Variants in RGS10 observed in about 807,000 individuals in gnomAD.
RGS10 encodes regulator of G protein signaling 10.
RGS10 carries 11 observed loss-of-function variants against 23.5 expected under a neutral mutation model. That is an observed-to-expected ratio of 0.47 (90% CI 0.29 to 0.77). The LOEUF is 0.77. RGS10 is among the 30% of genes least tolerant of loss of function. The probability of loss-of-function intolerance (pLI) is 0.08; values close to 1 mark genes in which losing one functional copy is unlikely to be tolerated. For synonymous variants in RGS10, 77 were observed against 83.2 expected (o/e 0.92, Z 0.41); for missense variants, 180 against 226.3 (o/e 0.80, Z 1.31).
chr10:119,501,549 C>T (rs1036536408), intron 4 of RGS10, among the ~76,000 whole-genome samples: 1 of 151,956 alleles, frequency 6.6e-6, no homozygotes, highest in African/African-American at 2.4e-5. Context: ...ATGGTGAAAC[C>T]CCGTCTCTAC....
intron 1 of RGS10, chr10:119,536,587 A>G (rs1791433011): frequency 2.2e-6 from 3 of 1,353,958 alleles, no homozygotes; most frequent in African/African-American, 1.5e-5. Flanking sequence ...GGGTCCGAAG[A>G]AAAAACAAGC....
chr10:119,500,366 T>C (rs756280), intron 4 of RGS10, 107 bp from the exon 5 acceptor site: 922,863 of 976,476 alleles, frequency 0.95, 437,064 homozygotes, highest in Middle Eastern at 0.97. Context: ...AATACTAACA[T>C]GTGCAAAGAA....
rs1220440240 is a variant in RGS10 at position 119,515,800 on chromosome 10, A to T, written c.256-148T>A. The T allele has an allele frequency of 8.8e-6, 8 of 907,168 alleles. No individual in the cohort carries two copies. The East Asian group carries it at 2.1e-4, about 24-fold the overall frequency. The allele number at this position is 907,168 out of a possible 1,614,324, so 56.2% of individuals were successfully genotyped here. A position where few individuals can be genotyped will look rare whatever the true frequency, so the allele number is the denominator to read the frequency against. On this transcript the variant is annotated intron_variant, in intron 3 of 4. Coordinates refer to ENST00000369103, the MANE Select transcript of RGS10 (RefSeq NM_001005339.2). ...CCCAGGGGCTCTCAGGCCACTCCAG[A>T]GAGAATTTCTATATGGGAGAGCCTG... is the stretch of plus-strand genomic sequence containing the variant.
At chr10:119,540,040 G>A (rs928518811) in intron 1 of RGS10, among the ~76,000 whole-genome samples, 1 of 151,702 alleles carries the variant, frequency 6.6e-6, no homozygotes, top group African/African-American at 2.4e-5. Flanking sequence ...AGGCCCAAAT[G>A]ACCCCTTTCT....
chr10:119,527,316 T>C lies in RGS10; in HGVS notation c.158A>G (p.Lys53Arg). 6.2e-7 allele frequency: 1 copy of C among 1,613,266 alleles called. No homozygotes were observed. The highest frequency in any genetic ancestry group is 1.1e-5 in the South Asian group (1 of 91,046). Reference sequence around the variant, plus strand: ...ATGAAAAAGACAAACCCTAAATCTTTTCACGCCTTCTGGGTCTTCCAGCAG... The same window carrying C: ...ATGAAAAAGACAAACCCTAAATCTTCTCACGCCTTCTGGGTCTTCCAGCAG... ...ENLLEDPEGVKRFREFLKKEF... is the reference protein window; with the variant it reads ...ENLLEDPEGVRRFREFLKKEF... Residue 53 changes from lysine (K) to arginine (R), a missense_variant, in exon 2 of 5, where the codon AAA (lysine) becomes AGA (arginine). Lys to Arg is a conservative substitution (Grantham distance 26, BLOSUM62 2). Coordinates refer to ENST00000369103, the MANE Select transcript of RGS10 (RefSeq NM_001005339.2). The surrounding 1 kb of genome is among the most constrained non-coding windows in gnomAD (Gnocchi z 4.2).
intron 1 of RGS10, among the ~76,000 whole-genome samples, chr10:119,531,507 T>C (rs759937111): frequency 2.0e-4 from 31 of 152,194 alleles, no homozygotes; most frequent in African/African-American, 7.0e-4. Flanking sequence ...TGTTAGACAA[T>C]TGCCAACCCC....
intron 4 of RGS10, among the ~76,000 whole-genome samples, chr10:119,513,517 A>C (rs1000239533): frequency 5.3e-5 from 8 of 151,884 alleles, no homozygotes; most frequent in Non-Finnish European, 7.4e-5. Flanking sequence ...AAAGAAAAAA[A>C]AAACAATCAG....
chr10:119,528,161 G>A (rs1488865121), intron 1 of RGS10, among the ~76,000 whole-genome samples: 1 of 151,984 alleles, frequency 6.6e-6, no homozygotes, highest in East Asian at 1.9e-4. Context: ...CTCCCAAGTA[G>A]CTGAGATTAT....
chr10:119,526,921 C>G (rs533515812), intron 2 of RGS10, among the ~76,000 whole-genome samples: 1 of 152,246 alleles, frequency 6.6e-6, no homozygotes, highest in Non-Finnish European at 1.5e-5. Context: ...TTGCCAGCCT[C>G]TCTTACTCTG....
Position 119,527,339 on chromosome 10 carries a change from C to G in RGS10, c.135G>C (p.Leu45=). ...TTTTCACGCCTTCTGGGTCTTCCAG[C>G]AGATTCTCCAGGGATGCCGCCCATT... ...TAKWAASLEN[L]LEDPEGVKRF... Residue 45 remains leucine, a synonymous_variant, in exon 2 of 5, where the codon CTG becomes CTC. Transcript: ENST00000369103. This position sits in a 1 kb window ranked among gnomAD's most constrained non-coding sequence, Gnocchi z 4.2. The G allele has an allele frequency of 6.2e-7, 1 of 1,614,160 alleles. No homozygotes were observed. Among genetic ancestry groups the G allele is most frequent in the Non-Finnish European group, 8.5e-7 (1 of 1,179,984 alleles).
In RGS10 at chr10:119,527,396, G is replaced by A; in HGVS notation, c.78C>T (p.Ser26=). 6.2e-7 allele frequency: 1 copy of A among 1,614,188 alleles called. No homozygotes were observed. The highest frequency in any genetic ancestry group is 8.5e-7 in the Non-Finnish European group (1 of 1,179,996). ...SDIHDSDGSS[S]SSHQSLKSTA... ...TGCTCTTGAGGCTCTGGTGGCTGCT[G>A]CTGGAACTGCCATCGCTGTCGTGGA... Residue 26 remains serine, a synonymous_variant, in exon 2 of 5, where the codon AGC becomes AGT. Transcript: ENST00000369103. The surrounding 1 kb of genome is among the most constrained non-coding windows in gnomAD (Gnocchi z 4.2).
intron 1 of RGS10, among the ~76,000 whole-genome samples, chr10:119,530,285 T>C (rs1489896927): frequency 6.6e-6 from 1 of 152,188 alleles, no homozygotes; most frequent in Non-Finnish European, 1.5e-5. Flanking sequence ...TCTGATGTTC[T>C]ATGGGGGGTC....
chr10:119,505,882 T>C (rs1455693985), intron 4 of RGS10, among the ~76,000 whole-genome samples: 1 of 152,206 alleles, frequency 6.6e-6, no homozygotes. Flanking sequence ...CCTCTGCCAT[T>C]TTATTTTAAT....
At chr10:119,515,765 C>A in intron 3 of RGS10, 113 bp from the exon 4 acceptor site, 2 of 1,271,024 alleles carry the variant, frequency 1.6e-6, no homozygotes, top group Non-Finnish European at 1.1e-6. Context: ...GAGAAAGGCA[C>A]CCCCCACAGC....
In RGS10 at chr10:119,517,795, G is replaced by A. The variant is rs944728836; in HGVS notation, c.256-2143C>T. On this transcript the variant is annotated intron_variant, in intron 3 of 4. Coordinates refer to ENST00000369103, the MANE Select transcript of RGS10 (RefSeq NM_001005339.2). The surrounding 1 kb of genome is among the most constrained non-coding windows in gnomAD (Gnocchi z 5.0). ...CTTGAGTCTTTGAGGTGGGGCAGAAGAGGCCGGGGGAGAGGAAGTAGGTTC... is the reference window on the plus strand; with the variant it reads ...CTTGAGTCTTTGAGGTGGGGCAGAAAAGGCCGGGGGAGAGGAAGTAGGTTC... Among the ~76,000 whole-genome samples the A allele has an allele frequency of 4.6e-5, 7 of 152,254 alleles. No individual in the cohort carries two copies. Among genetic ancestry groups the A allele is most frequent in the African/African-American group, 1.7e-4 (7 of 41,466 alleles).
intron 3 of RGS10, among the ~76,000 whole-genome samples, chr10:119,522,445 G>A (rs914238788): frequency 2.0e-5 from 3 of 152,286 alleles, no homozygotes; most frequent in East Asian, 1.9e-4. Flanking sequence ...CTGGCCGGGC[G>A]CGGTGGCTCA....
chr10:119,510,355 G>A (rs1377243253), intron 4 of RGS10, among the ~76,000 whole-genome samples: 2 of 152,058 alleles, frequency 1.3e-5, no homozygotes, highest in Non-Finnish European at 2.9e-5. Flanking sequence ...CCTGCCTCGG[G>A]GCCTTTGCGC....
rs946896760 is a variant in RGS10, at chr10:119,517,414, G to A, written c.256-1762C>T. ...TGGCTATCTAAGGGACAGGTCTGGG[G>A]GCCATCCTCGAGACCCAAGGGGGTG... On this transcript the variant is annotated intron_variant, in intron 3 of 4. Transcript: ENST00000369103. The surrounding 1 kb of genome is among the most constrained non-coding windows in gnomAD (Gnocchi z 5.0). Among the ~76,000 whole-genome samples the A allele has an allele frequency of 7.9e-5, 12 of 152,178 alleles. No homozygotes were observed. The highest frequency in any genetic ancestry group is 2.9e-4 in the African/African-American group (12 of 41,434).
rs539306319 is a variant in RGS10 at position 119,524,103 on chromosome 10, C to T, written c.255+1929G>A. Among the ~76,000 whole-genome samples the T allele has an allele frequency of 5.3e-5, 8 of 152,330 alleles. No homozygotes were observed. The highest frequency in any genetic ancestry group is 1.7e-4 in the African/African-American group (7 of 41,576). ...CCCCTGGATCCCTCCCCGTTGCCCA[C>T]GCCTTGCTCCCACGACACATGTGCT... On this transcript the variant is annotated intron_variant, in intron 3 of 4. Coordinates refer to ENST00000369103, the MANE Select transcript of RGS10 (RefSeq NM_001005339.2). This position sits in a 1 kb window ranked among gnomAD's most constrained non-coding sequence, Gnocchi z 5.2.
Sources: gnomAD v4.1 joint callset for allele counts (sites outside exome capture counted in the v4.1 genomes callset) on GRCh38, gnomAD v4.1.1 for gene constraint, Gnocchi (gnomAD v3.1) non-coding constraint, MANE v1.5 for transcripts, NCBI Gene and HGNC (gene_info 2026-07-23, HGNC 2026-07-21) for gene names.